Variants in ADAMTS17 observed in about 807,000 individuals in gnomAD.
ADAMTS17 encodes A disintegrin and metalloproteinase with thrombospondin motifs 17.
Under a neutral mutation model 141.5 loss-of-function variants are expected in ADAMTS17, and 113 were observed. That is an observed-to-expected ratio of 0.80 (90% CI 0.69 to 0.93). The LOEUF (loss-of-function observed/expected upper bound fraction) is 0.93. Ranked by LOEUF, ADAMTS17 falls within the 40% of genes least tolerant of loss-of-function variation. ADAMTS17 has a pLI of 0.00. For missense variants in ADAMTS17, 1,659 were observed against 1,517.9 expected (o/e 1.09, Z -1.54); for synonymous variants, 768 against 630.6 (o/e 1.22, Z -3.27).
intron 11 of ADAMTS17, among the ~76,000 whole-genome samples, 182 bp from the exon 12 acceptor site, chr15:100,132,334 C>CA (rs2038095033): frequency 6.6e-6 from 1 of 152,268 alleles, no homozygotes; most frequent in South Asian, 2.1e-4. Context: ...CTCAAACTGA[C>CA]ACTCATATCG....
At chr15:100,335,000 A>T (rs1210836697) in intron 2 of ADAMTS17, among the ~76,000 whole-genome samples, 1 of 152,006 alleles carries the variant, frequency 6.6e-6, no homozygotes, top group African/African-American at 2.4e-5. Flanking sequence ...GGCTAGCCCC[A>T]GGATTCCCCA....
chr15:100,317,041 G>A (rs893275476), intron 3 of ADAMTS17, among the ~76,000 whole-genome samples: 1 of 152,260 alleles, frequency 6.6e-6, no homozygotes, highest in Non-Finnish European at 1.5e-5. Context: ...ATATGGTTGG[G>A]TTTTAGCTTT....
intron 3 of ADAMTS17, among the ~76,000 whole-genome samples, chr15:100,321,619 CATG>C (rs1457889619): frequency 6.6e-6 from 1 of 152,150 alleles, no homozygotes; most frequent in African/African-American, 2.4e-5. Flanking sequence ...TGGCCCATTA[CATG>C]ATGATAAAAG....
At chr15:100,258,253 A>C (rs916071832) in intron 6 of ADAMTS17, among the ~76,000 whole-genome samples, 2 of 152,184 alleles carry the variant, frequency 1.3e-5, no homozygotes, top group African/African-American at 4.8e-5. Flanking sequence ...AAGTGGGATC[A>C]CGTGGTAACT....
chr15:100,249,853 C>T (rs1319992923), intron 7 of ADAMTS17, among the ~76,000 whole-genome samples: 1 of 152,194 alleles, frequency 6.6e-6, no homozygotes, highest in Non-Finnish European at 1.5e-5. Context: ...TTTAAAAACA[C>T]TCATTAAAAC....
intron 10 of ADAMTS17, among the ~76,000 whole-genome samples, chr15:100,145,354 A>G (rs1455040109): frequency 6.6e-6 from 1 of 152,140 alleles, no homozygotes; most frequent in African/African-American, 2.4e-5. Context: ...TAATTGCTTC[A>G]CCCCTAAAAC....
intron 3 of ADAMTS17, among the ~76,000 whole-genome samples, chr15:100,324,659 G>T (rs182813528): frequency 1.9e-4 from 29 of 152,314 alleles, no homozygotes; most frequent in African/African-American, 7.0e-4. Context: ...AAGGATGGCA[G>T]ATTCAAGAAT....
chr15:100,132,778 C>T (rs1055647597), intron 11 of ADAMTS17, among the ~76,000 whole-genome samples: 5 of 152,146 alleles, frequency 3.3e-5, no homozygotes, highest in African/African-American at 1.2e-4. Flanking sequence ...TCCCGAACAC[C>T]CCTTCTCTCC....
At chr15:100,016,713 G>A (rs2141426441) in intron 18 of ADAMTS17, among the ~76,000 whole-genome samples, 1 of 152,308 alleles carries the variant, frequency 6.6e-6, no homozygotes, top group Middle Eastern at 3.4e-3. Context: ...CCTGTGATGT[G>A]AACCATCTCT....
intron 7 of ADAMTS17, among the ~76,000 whole-genome samples, chr15:100,253,289 A>C (rs986586848): frequency 6.8e-6 from 1 of 146,730 alleles, no homozygotes; most frequent in Non-Finnish European, 1.5e-5. Context: ...TGAGAACTCA[A>C]GAGCAAACCA....
At chr15:100,180,934 A>G (rs1255446559) in intron 8 of ADAMTS17, among the ~76,000 whole-genome samples, 2 of 152,202 alleles carry the variant, frequency 1.3e-5, no homozygotes, top group Non-Finnish European at 2.9e-5. Context: ...AGGTGGATCC[A>G]GAGACACTGT....
intron 15 of ADAMTS17, among the ~76,000 whole-genome samples, chr15:100,087,654 T>C (rs1320600753): frequency 6.6e-6 from 1 of 152,208 alleles, no homozygotes; most frequent in Non-Finnish European, 1.5e-5. Context: ...TCAAGTGGGC[T>C]TCATTCCTGG....
At position 100,093,780 on chromosome 15, in the gene ADAMTS17, C is replaced by T. The variant is rs148020789; in HGVS notation, c.2137+2576G>A. On this transcript the variant is annotated intron_variant, in intron 15 of 21. Transcript: ENST00000268070. ...CATAGGCTGATGCTGTCTGTTTGCCCGGGGGTCCCCTCCCTCGACTGTACC... is the reference window on the plus strand; with the variant it reads ...CATAGGCTGATGCTGTCTGTTTGCCTGGGGGTCCCCTCCCTCGACTGTACC... Among the ~76,000 whole-genome samples, 3 of 152,184 alleles carry T rather than the reference C, an allele frequency of 2.0e-5. No homozygotes were observed. In the East Asian group the frequency reaches 5.8e-4, roughly 29 times the overall value.
intron 3 of ADAMTS17, among the ~76,000 whole-genome samples, chr15:100,307,529 C>A (rs1003069563): frequency 2.0e-5 from 3 of 152,240 alleles, no homozygotes; most frequent in African/African-American, 4.8e-5. Context: ...GCTTTTCACA[C>A]GAGTCAATAA....
intron 14 of ADAMTS17, among the ~76,000 whole-genome samples, chr15:100,100,491 A>G (rs1042691525): frequency 2.6e-5 from 4 of 152,004 alleles, no homozygotes; most frequent in Non-Finnish European, 5.9e-5. Flanking sequence ...AAGCTGCCTG[A>G]CCTCTTAATT....
chr15:100,271,136 T>C (rs932997533), intron 4 of ADAMTS17, among the ~76,000 whole-genome samples: 3 of 152,218 alleles, frequency 2.0e-5, no homozygotes, highest in Non-Finnish European at 4.4e-5. Flanking sequence ...TTTATTTACC[T>C]ACGCATCCAT....
Position 100,213,355 on chromosome 15 carries a change from T to C in ADAMTS17, c.1076-13932A>G, listed in dbSNP as rs73479351. ...AAAACATGATATAAAAGCCATTTGTTGATGGTGTTCTCCATTTGATGGATA... is the reference window on the plus strand; with the variant it reads ...AAAACATGATATAAAAGCCATTTGTCGATGGTGTTCTCCATTTGATGGATA... On this transcript the variant is annotated intron_variant, in intron 7 of 21. Transcript: ENST00000268070. 3.3e-3 allele frequency among the ~76,000 whole-genome samples: 504 copies of C among 152,182 alleles called. 4 individuals are homozygous for C. The highest frequency in any genetic ancestry group is 0.017 in the Middle Eastern group (5 of 294).
At chr15:100,209,812 C>A (rs1405727935) in intron 7 of ADAMTS17, among the ~76,000 whole-genome samples, 1 of 152,298 alleles carries the variant, frequency 6.6e-6, no homozygotes, top group East Asian at 1.9e-4. Flanking sequence ...AGGTATGTCC[C>A]TGTTCCATGC....
chr15:100,239,274 T>C (rs1004785881), intron 7 of ADAMTS17, among the ~76,000 whole-genome samples: 1 of 152,230 alleles, frequency 6.6e-6, no homozygotes, highest in Non-Finnish European at 1.5e-5. Flanking sequence ...GCAGATTAAA[T>C]GACCCAAGAC....
Sources: gnomAD v4.1 joint callset for allele counts (sites outside exome capture counted in the v4.1 genomes callset) on GRCh38, gnomAD v4.1.1 for gene constraint, MANE v1.5 for transcripts, NCBI Gene and HGNC (gene_info 2026-07-23, HGNC 2026-07-21) for gene names.